Variants in ZNF280C observed in about 807,000 individuals in gnomAD.
The protein encoded by ZNF280C is zinc finger protein 280C.
In ZNF280C, 14 loss-of-function variants were observed where a neutral mutation model predicts 53.6. The ratio of observed to expected loss-of-function variants is 0.26; its 90% CI spans 0.17 to 0.41. The LOEUF is 0.41. ZNF280C is among the 10% of genes least tolerant of loss of function. The pLI, the probability that ZNF280C is intolerant of heterozygous loss-of-function variation, is 1.00. For synonymous variants in ZNF280C, 203 were observed against 181.1 expected (o/e 1.12, Z -0.97); for missense variants, 416 against 547.1 (o/e 0.76, Z 2.39).
At chrX:130,216,396 A>C (rs747907128) in intron 13 of ZNF280C, among the ~76,000 whole-genome samples, 1 of 112,451 alleles carries the variant, frequency 8.9e-6, no homozygotes, top group South Asian at 3.6e-4. Context: ...ATACAGTAGT[A>C]AATTCTTGTG....
intron 6 of ZNF280C, 94 bp downstream of exon 6, chrX:130,239,488 A>G: frequency 4.2e-6 from 2 of 474,327 alleles, no homozygotes; most frequent in East Asian, 7.3e-5. Context: ...AAAACTTAAC[A>G]TGAAGGTATG....
chrX:130,213,832 T>A (rs209231), intron 15 of ZNF280C, among the ~76,000 whole-genome samples: 1 of 111,073 alleles, frequency 9.0e-6, no homozygotes, highest in Non-Finnish European at 1.9e-5. Context: ...GGGAAAAAAA[T>A]CCCTGCAAGC....
At chrX:130,265,420 G>T (rs1256691708) in intron 1 of ZNF280C, among the ~76,000 whole-genome samples, 1 of 112,384 alleles carries the variant, frequency 8.9e-6, no homozygotes, top group Non-Finnish European at 1.9e-5. Context: ...ATGGGGAAAA[G>T]ACTAATGTAC....
chrX:130,248,200 G>A (rs2032470031), intron 2 of ZNF280C, among the ~76,000 whole-genome samples: 1 of 100,672 alleles, frequency 9.9e-6, no homozygotes, highest in African/African-American at 3.7e-5. Context: ...CTTCAAAGGG[G>A]AGGTGCTGAG....
Position 130,213,846 on chromosome X carries a change from G to A in ZNF280C, c.1979+1347C>T, listed in dbSNP as rs184636174. Among the ~76,000 whole-genome samples the A allele has an allele frequency of 2.1e-3, 240 of 112,685 alleles. 2 individuals carry two copies. Among genetic ancestry groups the A allele is most frequent in the Middle Eastern group, 0.014 (3 of 218 alleles). ...AGGGAAAAAAATCCCTGCAAGCCAG[G>A]TGCTGAAGCCATCAAAAAACGTGGG... On this transcript the variant is annotated intron_variant, in intron 15 of 18. Transcript: ENST00000370978.
At position 130,204,852 on chromosome X, in the gene ZNF280C, G is replaced by T; in HGVS notation, c.*125C>A. 1 of 512,778 alleles carries T rather than the reference G, an allele frequency of 2.0e-6. No individual in the cohort carries two copies. The highest frequency in any genetic ancestry group is 3.0e-6 in the Non-Finnish European group (1 of 333,765). 42.3% of individuals were successfully genotyped at this position (512,778 alleles called of 1,213,427 possible). The stretch of plus-strand genomic sequence containing the variant: ...TGAAAGCTGAAAAGAGCTGAATAAT[G>T]AGAGCTAGTGTCATAAACTTGGCTG... On this transcript the variant is annotated 3_prime_UTR_variant, in exon 19 of 19. Transcript: ENST00000370978.
chrX:130,209,083 T>A (rs1299250798), intron 16 of ZNF280C, among the ~76,000 whole-genome samples: 1 of 112,276 alleles, frequency 8.9e-6, no homozygotes, highest in African/African-American at 3.2e-5. Context: ...TTTCAACATA[T>A]ACATTAACTT....
At chrX:130,217,391 T>C (rs764363444) in intron 13 of ZNF280C, among the ~76,000 whole-genome samples, 7 of 111,955 alleles carry the variant, frequency 6.3e-5, no homozygotes, top group African/African-American at 1.9e-4. Context: ...ACGTCCAGAA[T>C]AGGAAAATCC....
chrX:130,241,999 C>CTGG (rs2032395436), intron 5 of ZNF280C, among the ~76,000 whole-genome samples: 1 of 43,168 alleles, frequency 2.3e-5, no homozygotes, highest in Admixed American at 2.3e-4. Flanking sequence ...CTTTGGGAAG[C>CTGG]CGGGGGGGGG....
chrX:130,205,886 A>G (rs2031968251), intron 16 of ZNF280C, among the ~76,000 whole-genome samples: 1 of 109,609 alleles, frequency 9.1e-6, no homozygotes, highest in African/African-American at 3.3e-5. Context: ...AAAAAAAAAA[A>G]AAAAAAAGGA....
intron 3 of ZNF280C, among the ~76,000 whole-genome samples, chrX:130,245,215 T>G (rs768984948): frequency 8.9e-6 from 1 of 111,854 alleles, no homozygotes; most frequent in South Asian, 3.7e-4. Flanking sequence ...TTTGATAGAA[T>G]CTCTTGAAAC....
intron 3 of ZNF280C, among the ~76,000 whole-genome samples, chrX:130,245,523 C>T (rs2032440842): frequency 9.0e-6 from 1 of 111,621 alleles, no homozygotes; most frequent in African/African-American, 3.3e-5. Context: ...AATTATTCTG[C>T]CTCTGATAAA....
intron 2 of ZNF280C, among the ~76,000 whole-genome samples, chrX:130,251,028 C>CAG (rs1335754849): frequency 9.2e-6 from 1 of 109,200 alleles, no homozygotes; most frequent in Non-Finnish European, 1.9e-5. Context: ...ACCCAAGAGG[C>CAG]AGAGGTTGCA....
intron 2 of ZNF280C, among the ~76,000 whole-genome samples, chrX:130,251,205 C>T (rs944468888): frequency 3.0e-5 from 3 of 99,019 alleles, no homozygotes; most frequent in Non-Finnish European, 5.9e-5. Flanking sequence ...CACCTGAGCC[C>T]CAGGAGACTG....
Position 130,236,230 on chromosome X carries a change from A to C in ZNF280C, c.755T>G (p.Leu252Trp). 8.4e-7 allele frequency: 1 copy of C among 1,197,523 alleles called. No homozygotes were observed. Among genetic ancestry groups the C allele is most frequent in the Non-Finnish European group, 1.1e-6 (1 of 888,124 alleles). ...CNVQFNLLDP[L>W]KYHMKHCCPD... Reference sequence around the variant, plus strand: ...AAGTTTTACCTTCATGTGGTATTTCAAAGGATCCAAAAGATTGAACTGAAC... The same window carrying C: ...AAGTTTTACCTTCATGTGGTATTTCCAAGGATCCAAAAGATTGAACTGAAC... The change falls in exon 8 of 19, where the codon TTG (leucine) becomes TGG (tryptophan). Residue 252 changes from leucine (L) to tryptophan (W), a missense_variant. This residue lies in a region of ZNF280C where 193 missense variants were observed against 201.4 expected (regional missense o/e 0.96). Coordinates refer to ENST00000370978, the MANE Select transcript of ZNF280C (RefSeq NM_017666.5).
chrX:130,264,082 C>T (rs1226805295), intron 1 of ZNF280C, among the ~76,000 whole-genome samples: 1 of 104,125 alleles, frequency 9.6e-6, no homozygotes, highest in Non-Finnish European at 2.0e-5. Flanking sequence ...AAAAAATAAT[C>T]AGCTGGTAGG....
chrX:130,241,160 C>T (rs767012026), intron 5 of ZNF280C, among the ~76,000 whole-genome samples: 3 of 111,563 alleles, frequency 2.7e-5, no homozygotes, highest in African/African-American at 6.5e-5. Flanking sequence ...ATAATACTCA[C>T]TTTAAAAGAG....
At chrX:130,211,813 A>G (rs761029121) in intron 15 of ZNF280C, among the ~76,000 whole-genome samples, 14 of 111,992 alleles carry the variant, frequency 1.3e-4, no homozygotes, top group Non-Finnish European at 2.3e-4. Context: ...ACAGTTGGTG[A>G]GCCTATGGAA....
rs768738766 is a variant in ZNF280C at position 130,231,883 on chromosome X, C to T, written c.772-1156G>A. On this transcript the variant is annotated intron_variant, in intron 8 of 18. Coordinates refer to ENST00000370978, the MANE Select transcript of ZNF280C (RefSeq NM_017666.5). Reference sequence around the variant, plus strand: ...CTATTAAAAATACAAAAAAATTAGCCGGGCGTGGTGGCACGTGTCTGTAGT... The same window carrying T: ...CTATTAAAAATACAAAAAAATTAGCTGGGCGTGGTGGCACGTGTCTGTAGT... Among the ~76,000 whole-genome samples the T allele has an allele frequency of 2.0e-3, 222 of 108,975 alleles. 1 individual carries two copies. Among genetic ancestry groups the T allele is most frequent in the Non-Finnish European group, 3.2e-3 (168 of 52,496 alleles). 94.6% of individuals were successfully genotyped at this position (108,975 alleles called of 115,157 possible).
Sources: gnomAD v4.1 joint callset for allele counts (sites outside exome capture counted in the v4.1 genomes callset) on GRCh38, gnomAD v4.1.1 for gene constraint, gnomAD v4.1.1 regional missense constraint, MANE v1.5 for transcripts, NCBI Gene and HGNC (gene_info 2026-07-23, HGNC 2026-07-21) for gene names.